The following CARMIL3 variants were observed in gnomAD, a reference collection of about 807,000 sequenced individuals.
CARMIL3 encodes capping protein regulator and myosin 1 linker 3.
A neutral mutation model predicts 180.8 loss-of-function variants in CARMIL3; 88 were observed. The ratio of observed to expected loss-of-function variants is 0.49; its 90% CI spans 0.41 to 0.58. CARMIL3 has a LOEUF of 0.58. Among genes scored for constraint, CARMIL3 ranks in the 20% least tolerant of loss-of-function variants. The probability of loss-of-function intolerance (pLI) is 0.00; values close to 1 mark genes in which losing one functional copy is unlikely to be tolerated. For synonymous variants in CARMIL3, 696 were observed against 714.5 expected (o/e 0.97, Z 0.41); for missense variants, 1,548 against 1,787.0 (o/e 0.87, Z 2.41).
rs1262926374 is a variant in CARMIL3 at position 24,065,224 on chromosome 14, T to C, written c.3347T>C (p.Leu1116Pro). 2 of 1,549,420 alleles carry C rather than the reference T, an allele frequency of 1.3e-6. No homozygotes were observed. The highest frequency in any genetic ancestry group is 1.7e-6 in the Non-Finnish European group (2 of 1,156,116). ...PCWSPEEESSLLPGFGGGRGP... is the reference protein window; with the variant it reads ...PCWSPEEESSPLPGFGGGRGP... ...TGGAGCCCAGAGGAGGAGAGCAGCCTCCTCCCTGGATTTGGTGGGGGCCGG... is the reference window on the plus strand; with the variant it reads ...TGGAGCCCAGAGGAGGAGAGCAGCCCCCTCCCTGGATTTGGTGGGGGCCGG... Residue 1116 changes from leucine (L) to proline (P), a missense_variant, in exon 33 of 40, where the codon CTC becomes CCC. By Grantham distance (98) the Leu-to-Pro change is moderately conservative. Coordinates refer to ENST00000342740, the MANE Select transcript of CARMIL3 (RefSeq NM_138360.4).
In CARMIL3 at chr14:24,057,175, C is replaced by T; in HGVS notation, c.1071C>T (p.Tyr357=). Reference sequence around the variant, plus strand: ...CTTCCTTCCTACTCCAGGCCCTCTACAGTTTCCTGGCCCAACCCAACGCCC... The same window carrying T: ...CTTCCTTCCTACTCCAGGCCCTCTATAGTTTCCTGGCCCAACCCAACGCCC... The part of the protein sequence containing the change: ...LLATDEANAL[Y]SFLAQPNALV... Residue 357 remains tyrosine (Y), a synonymous_variant, in exon 14 of 40, where the codon TAC becomes TAT. Coordinates refer to ENST00000342740, the MANE Select transcript of CARMIL3 (RefSeq NM_138360.4). The T allele has an allele frequency of 1.2e-6, 2 of 1,613,994 alleles. No individual in the cohort carries two copies. Among genetic ancestry groups the T allele is most frequent in the Non-Finnish European group, 1.7e-6 (2 of 1,179,912 alleles).
chr14:24,052,302 T>C (rs1391034554), intron 1 of CARMIL3, 109 bp downstream of exon 1: 14 of 1,121,706 alleles, frequency 1.2e-5, no homozygotes, highest in Admixed American at 2.8e-5. Flanking sequence ...CCTCACCCCA[T>C]GCATCCTGGC....
chr14:24,052,306 TCCTGGCTCCAAGGCAG>T, intron 1 of CARMIL3, 113 bp downstream of exon 1: 17 of 1,081,230 alleles, frequency 1.6e-5, no homozygotes, highest in Non-Finnish European at 1.9e-5. Context: ...ACCCCATGCA[TCCTGGCTCCAAGGCAG>T]CCCCTGCATT....
At position 24,063,205 on chromosome 14, in the gene CARMIL3, C is replaced by T. The variant is rs200241783; in HGVS notation, c.2770+22C>T. 13 of 1,610,580 alleles carry T rather than the reference C, an allele frequency of 8.1e-6. No homozygotes were observed. In the East Asian group the frequency reaches 2.7e-4, roughly 33 times the overall value. ...ATCAGTGAGTCTCCCAGCCTCCGTTCTCATGGACTCCAGACTCCCGCCCTC... is the reference window on the plus strand; with the variant it reads ...ATCAGTGAGTCTCCCAGCCTCCGTTTTCATGGACTCCAGACTCCCGCCCTC... On this transcript the variant is annotated intron_variant, in intron 30 of 39. Coordinates refer to ENST00000342740, the MANE Select transcript of CARMIL3 (RefSeq NM_138360.4).
rs1566540617 is a variant in CARMIL3 at position 24,059,843 on chromosome 14, A to G, written c.1868+111A>G. The G allele has an allele frequency of 4.6e-6, 7 of 1,536,968 alleles. No homozygotes were observed. Among genetic ancestry groups the G allele is most frequent in the Non-Finnish European group, 5.4e-6 (6 of 1,112,450 alleles). On this transcript the variant is annotated intron_variant, in intron 22 of 39. Coordinates refer to ENST00000342740, the MANE Select transcript of CARMIL3 (RefSeq NM_138360.4). This position sits in a 1 kb window ranked among gnomAD's most constrained non-coding sequence, Gnocchi z 6.3. ...GCCCCTTTGACCTATTTGCACAGAA[A>G]TTTTAGGAAGGGCCATGGAAGACAG...
intron 12 of CARMIL3, 81 bp from the exon 13 acceptor site, chr14:24,056,834 T>G: frequency 1.3e-6 from 2 of 1,537,854 alleles, no homozygotes; most frequent in Non-Finnish European, 1.8e-6. Context: ...GGAGCCACGT[T>G]TGGGGAGAGG....
rs758304460 is a variant in CARMIL3, at chr14:24,052,286, C to T, written c.40+93C>T. On this transcript the variant is annotated intron_variant, in intron 1 of 39. Transcript: ENST00000342740. ...CGTGGTGCATCCCAGCCCGGTGTCT[C>T]ACACCCCTCACCCCATGCATCCTGG... is the stretch of plus-strand genomic sequence containing the variant. 315 of 1,280,796 alleles carry T rather than the reference C, an allele frequency of 2.5e-4. 1 individual carries two copies. Among genetic ancestry groups the T allele is most frequent in the Non-Finnish European group, 2.7e-4 (254 of 943,524 alleles). The allele number at this position is 1,280,796 out of a possible 1,614,324, so 79.3% of individuals were successfully genotyped here.
chr14:24,057,306 G>C, intron 14 of CARMIL3, 62 bp downstream of exon 14: 2 of 1,472,186 alleles, frequency 1.4e-6, no homozygotes, highest in Non-Finnish European at 1.9e-6. Context: ...AGTGGGCCTC[G>C]GTCTCACCCC....
intron 31 of CARMIL3, among the ~76,000 whole-genome samples, 184 bp downstream of exon 31, chr14:24,063,717 A>C (rs2035756470): frequency 1.3e-5 from 2 of 152,162 alleles, no homozygotes. Flanking sequence ...GTCACAGATA[A>C]GAAAGCTCTG....
rs1171759467 is a variant in CARMIL3, at chr14:24,059,376, G to T, written c.1733G>T (p.Gly578Val). ...NTCLAKVDLSGNGMEDIGAKM... is the reference protein window; with the variant it reads ...NTCLAKVDLSVNGMEDIGAKM... ...TGCCTGGCCAAGGTGGATCTGAGCG[G>T]CAATGGCATGGAGGACATCGGGGCC... is the stretch of plus-strand genomic sequence containing the variant. The change falls in exon 21 of 40, where the codon GGC becomes GTC. Residue 578 changes from glycine (G) to valine (V), a missense_variant. By Grantham distance (109) the Gly-to-Val change is moderately radical (BLOSUM62 -3). This residue lies in a region of CARMIL3 where 297 missense variants were observed against 415.9 expected (regional missense o/e 0.71). Transcript: ENST00000342740. This position sits in a 1 kb window ranked among gnomAD's most constrained non-coding sequence, Gnocchi z 6.3. 1.2e-6 allele frequency: 2 copies of T among 1,612,230 alleles called. No individual in the cohort carries two copies. Among genetic ancestry groups the T allele is most frequent in the East Asian group, 2.2e-5 (1 of 44,738 alleles).
At chr14:24,056,790 T>G in intron 12 of CARMIL3, 82 bp downstream of exon 12, 1 of 1,521,030 alleles carries the variant, frequency 6.6e-7, no homozygotes, top group Non-Finnish European at 9.1e-7. Context: ...CACCCACACA[T>G]TCACACACCA....
At position 24,058,503 on chromosome 14, in the gene CARMIL3, C is replaced by T. The variant is rs999383684; in HGVS notation, c.1393-177C>T. On this transcript the variant is annotated intron_variant, in intron 17 of 39. Coordinates refer to ENST00000342740, the MANE Select transcript of CARMIL3 (RefSeq NM_138360.4). This position sits in a 1 kb window ranked among gnomAD's most constrained non-coding sequence, Gnocchi z 6.4. ...TCTTAGGAATAGCAGCCTTCCTGGCCGAAGGGAGGGAAGCCAGCTCTAGGG... is the reference window on the plus strand; with the variant it reads ...TCTTAGGAATAGCAGCCTTCCTGGCTGAAGGGAGGGAAGCCAGCTCTAGGG... Among the ~76,000 whole-genome samples the T allele has an allele frequency of 8.5e-5, 13 of 152,246 alleles. No individual in the cohort carries two copies. Among genetic ancestry groups the T allele is most frequent in the African/African-American group, 2.4e-4 (10 of 41,526 alleles).
chr14:24,057,762 C>G (rs556730676), intron 14 of CARMIL3, 41 bp from the exon 15 acceptor site: 4 of 1,567,532 alleles, frequency 2.6e-6, no homozygotes, highest in Non-Finnish European at 3.5e-6. Context: ...CCCCCTACCC[C>G]CTTCCAGCTC....
rs754783381 is a variant in CARMIL3 at position 24,058,890 on chromosome 14, G to A, written c.1475G>A (p.Gly492Glu). ...CAGGCCTCTCCCATCTGCTCACCAG[G>A]GTTCGACTCGGACCTCCTGACACTG... Reference protein sequence around the residue: ...CVGSLDLSDNGFDSDLLTLVP... With the variant: ...CVGSLDLSDNEFDSDLLTLVP... Residue 492 changes from glycine to glutamate, a missense_variant and splice_region_variant, in exon 19 of 40, where the codon GGG (glycine) becomes GAG (glutamate). Around this residue, in one of 4 missense-constraint regions of CARMIL3, gnomAD observed 578 missense variants for 666.5 expected, o/e 0.87. Coordinates refer to ENST00000342740, the MANE Select transcript of CARMIL3 (RefSeq NM_138360.4). The surrounding 1 kb of genome is among the most constrained non-coding windows in gnomAD (Gnocchi z 6.4). The A allele has an allele frequency of 6.2e-7, 1 of 1,614,152 alleles. No individual in the cohort carries two copies. Among genetic ancestry groups the A allele is most frequent in the Non-Finnish European group, 8.5e-7 (1 of 1,180,022 alleles).
At position 24,056,953 on chromosome 14, in the gene CARMIL3, G is replaced by T; in HGVS notation, c.991G>T (p.Ala331Ser). The change falls in exon 13 of 40, where the codon GCA becomes TCA. Residue 331 changes from alanine (A) to serine (S), a missense_variant. Coordinates refer to ENST00000342740, the MANE Select transcript of CARMIL3 (RefSeq NM_138360.4). ...CGGCCAGACCTTCGGGGCAAACCCA[G>T]CATTTGCCAGCTCCCTTCGATACCT... ...ALGQTFGANP[A>S]FASSLRYLDL... is the part of the protein sequence containing the mutation. 6.2e-7 allele frequency: 1 copy of T among 1,614,116 alleles called. No homozygotes were observed. The highest frequency in any genetic ancestry group is 1.3e-5 in the African/African-American group (1 of 75,048).
At chr14:24,068,469 G>A in intron 36 of CARMIL3, 115 bp from the exon 37 acceptor site, 1 of 785,974 alleles carries the variant, frequency 1.3e-6, no homozygotes, top group South Asian at 1.9e-5. Flanking sequence ...ATAGGAGCAA[G>A]TGGGCTTGGA....
intron 24 of CARMIL3, 142 bp downstream of exon 24, chr14:24,060,397 G>T (rs965105671): frequency 5.3e-6 from 6 of 1,123,580 alleles, no homozygotes; most frequent in African/African-American, 1.5e-5. Context: ...AGCAAAAAGA[G>T]AGGACATGCA....
chr14:24,062,355 G>A (rs1467588336), intron 27 of CARMIL3, 125 bp from the exon 28 acceptor site: 9 of 862,474 alleles, frequency 1.0e-5, no homozygotes, highest in Admixed American at 5.2e-5. Context: ...AGCCACATGC[G>A]CTCCATGGGC....
At chr14:24,063,618 G>A in intron 31 of CARMIL3, 85 bp downstream of exon 31, 2 of 1,354,322 alleles carry the variant, frequency 1.5e-6, no homozygotes, top group Non-Finnish European at 2.0e-6. Context: ...CCAAATGCCA[G>A]AGACAGTAGC....
Sources: gnomAD v4.1 joint callset for allele counts (sites outside exome capture counted in the v4.1 genomes callset) on GRCh38, gnomAD v4.1.1 for gene constraint, gnomAD v4.1.1 regional missense constraint, Gnocchi (gnomAD v3.1) non-coding constraint, MANE v1.5 for transcripts, NCBI Gene and HGNC (gene_info 2026-07-23, HGNC 2026-07-21) for gene names.